Variants in LRGUK observed in about 807,000 individuals in gnomAD.
LRGUK encodes leucine rich repeats and guanylate kinase domain containing, also known as leucine-rich repeat and guanylate kinase domain-containing protein.
In LRGUK, 65 loss-of-function variants were observed where a neutral mutation model predicts 76.0. The ratio of observed to expected loss-of-function variants is 0.85; its 90% CI spans 0.70 to 1.05. The LOEUF is 1.05. LRGUK is among the 50% of genes least tolerant of loss of function. The pLI is 0.00. For missense variants in LRGUK, 758 were observed against 732.8 expected (o/e 1.03, Z -0.40); for synonymous variants, 268 against 265.6 (o/e 1.01, Z -0.09).
intron 16 of LRGUK, among the ~76,000 whole-genome samples, chr7:134,241,666 G>C (rs1456022387): frequency 6.6e-6 from 1 of 152,112 alleles, no homozygotes; most frequent in South Asian, 2.1e-4. Flanking sequence ...AGTTAACAGG[G>C]ATATCCAGGA....
intron 10 of LRGUK, among the ~76,000 whole-genome samples, chr7:134,178,926 C>CAAA (rs950815389): frequency 2.3e-5 from 1 of 43,570 alleles, no homozygotes; most frequent in African/African-American, 8.5e-5. Flanking sequence ...AGTGAAATCT[C>CAAA]AAAAAAAAAA....
intron 6 of LRGUK, 84 bp from the exon 7 acceptor site, chr7:134,163,313 G>T: frequency 7.8e-7 from 1 of 1,275,632 alleles, no homozygotes; most frequent in Non-Finnish European, 1.1e-6. Flanking sequence ...AGAGATTTGG[G>T]TCAGTATCCC....
At chr7:134,237,718 G>T (rs1187046101) in intron 16 of LRGUK, among the ~76,000 whole-genome samples, 2 of 152,146 alleles carry the variant, frequency 1.3e-5, no homozygotes, top group Non-Finnish European at 2.9e-5. Flanking sequence ...ACACATTGTT[G>T]TTACCAGGGA....
Position 134,183,906 on chromosome 7 carries a change from A to C in LRGUK, c.1334+53A>C. 4 of 1,597,162 alleles carry C rather than the reference A, an allele frequency of 2.5e-6. No individual in the cohort carries two copies. In the South Asian group the frequency reaches 4.5e-5, roughly 18 times the overall value. ...CTTGGAAATTCATCCGAATTATTGG[A>C]GGTATCAATAGTTGTAGTAAAATCT... On this transcript the variant is annotated intron_variant, in intron 11 of 15. Coordinates refer to ENST00000645682, the Ensembl canonical transcript of LRGUK.
At chr7:134,193,522 T>C (rs906887986) in intron 12 of LRGUK, among the ~76,000 whole-genome samples, 5 of 152,160 alleles carry the variant, frequency 3.3e-5, no homozygotes, top group African/African-American at 7.2e-5. Context: ...CTATACTATA[T>C]TTAGTCTTAG....
chr7:134,131,753 C>G (rs1563132763), intron 1 of LRGUK, among the ~76,000 whole-genome samples: 2 of 152,090 alleles, frequency 1.3e-5, no homozygotes, highest in Admixed American at 6.5e-5. Context: ...GAGCTGTTAT[C>G]TATCATAGGA....
intron 5 of LRGUK, among the ~76,000 whole-genome samples, chr7:134,157,346 T>A (rs1798513174): frequency 6.6e-6 from 1 of 152,164 alleles, no homozygotes; most frequent in Non-Finnish European, 1.5e-5. Context: ...GCATGGTGCA[T>A]GTTGCCCCTG....
intron 5 of LRGUK, among the ~76,000 whole-genome samples, chr7:134,148,976 A>G (rs1798092427): frequency 6.6e-6 from 1 of 152,120 alleles, no homozygotes; most frequent in African/African-American, 2.4e-5. Context: ...TATTTTATAT[A>G]AATTCAGTAT....
chr7:134,258,909 A>G (rs1802652046), intron 19 of LRGUK, among the ~76,000 whole-genome samples: 1 of 152,120 alleles, frequency 6.6e-6, no homozygotes, highest in African/African-American at 2.4e-5. Context: ...AAGGTGGGGA[A>G]TCCACCCACG....
At chr7:134,213,224 G>A (rs986165377), downstream of LRGUK, among the ~76,000 whole-genome samples, 2 of 152,150 alleles carry the variant, frequency 1.3e-5, no homozygotes, top group Non-Finnish European at 2.9e-5. Flanking sequence ...TAACAATGGG[G>A]AGCTGCTGAA....
chr7:134,127,982 A>G (rs919520566), intron 1 of LRGUK, among the ~76,000 whole-genome samples: 1 of 152,158 alleles, frequency 6.6e-6, no homozygotes, highest in Non-Finnish European at 1.5e-5. Context: ...TAGCTTTTTC[A>G]AAATTATACT....
intron 7 of LRGUK, among the ~76,000 whole-genome samples, chr7:134,171,871 T>C (rs1398061166): frequency 6.6e-6 from 1 of 152,062 alleles, no homozygotes; most frequent in Non-Finnish European, 1.5e-5. Context: ...TCGGGGTAGG[T>C]TGTGCAGGAG....
intron 7 of LRGUK, among the ~76,000 whole-genome samples, chr7:134,167,050 C>A (rs1310256238): frequency 6.6e-6 from 1 of 152,204 alleles, no homozygotes; most frequent in Non-Finnish European, 1.5e-5. Context: ...AACATTGATG[C>A]AGAGGCATGC....
At chr7:134,141,392 G>A (rs1043480020) in intron 3 of LRGUK, among the ~76,000 whole-genome samples, 1 of 152,146 alleles carries the variant, frequency 6.6e-6, no homozygotes, top group Non-Finnish European at 1.5e-5. Flanking sequence ...CCTGGATGAG[G>A]CTGATGCTGC....
chr7:134,255,696 A>T (rs1281665383), intron 18 of LRGUK, among the ~76,000 whole-genome samples: 4 of 152,214 alleles, frequency 2.6e-5, no homozygotes, highest in East Asian at 3.8e-4. Flanking sequence ...TTAAACTTTT[A>T]AAAATGGGAA....
At chr7:134,139,668 C>G in intron 3 of LRGUK, 151 bp downstream of exon 3, 1 of 543,068 alleles carries the variant, frequency 1.8e-6, no homozygotes. Flanking sequence ...AAAAAAGGCA[C>G]CGATAACTGC....
intron 6 of LRGUK, among the ~76,000 whole-genome samples, chr7:134,160,362 C>G (rs1798671881): frequency 1.3e-5 from 2 of 152,276 alleles, no homozygotes; most frequent in Middle Eastern, 3.4e-3. Flanking sequence ...CTGCCCTCAT[C>G]ACCCAAGATC....
At chr7:134,130,881 C>G (rs1004064519) in intron 1 of LRGUK, among the ~76,000 whole-genome samples, 1 of 152,198 alleles carries the variant, frequency 6.6e-6, no homozygotes, top group Non-Finnish European at 1.5e-5. Flanking sequence ...CTTAACCTCT[C>G]TCATTCTTCA....
intron 19 of LRGUK, among the ~76,000 whole-genome samples, 178 bp from the exon 20 acceptor site, chr7:134,263,667 G>A (rs1421566627): frequency 3.3e-5 from 4 of 121,290 alleles, no homozygotes; most frequent in African/African-American, 6.5e-5. Flanking sequence ...CCACTCACTT[G>A]GCCTCCCAAA....
Sources: allele counts gnomAD v4.1 joint callset (sites outside exome capture counted in the v4.1 genomes callset), GRCh38; gene constraint gnomAD v4.1.1; transcripts MANE v1.5; gene names NCBI Gene and HGNC (gene_info 2026-07-23, HGNC 2026-07-21).